Variants in ZNF280D observed in about 807,000 individuals in gnomAD.
The protein encoded by ZNF280D is suppressor of hairy wing homolog 4.
A neutral mutation model predicts 94.7 loss-of-function variants in ZNF280D; 39 were observed. The ratio of observed to expected loss-of-function variants is 0.41; its 90% CI spans 0.32 to 0.54. The LOEUF is 0.54. Among genes scored for constraint, ZNF280D ranks in the 20% least tolerant of loss-of-function variants. ZNF280D has a pLI of 0.22. For synonymous variants in ZNF280D, 398 were observed against 377.6 expected, an observed-to-expected ratio of 1.05 and a Z score of -0.63; for missense variants, 1,090 against 1,149.3, an observed-to-expected ratio of 0.95 and a Z score of 0.75.
At chr15:56,653,850 T>C (rs895643439) in intron 19 of ZNF280D, 32 of 1,238,518 alleles carry the variant, frequency 2.6e-5, no homozygotes, top group Non-Finnish European at 2.9e-5. Context: ...AAAAAAAATA[T>C]GTTAAGATAT....
At position 56,707,270 on chromosome 15, in the gene ZNF280D, C is replaced by T; in HGVS notation, c.-49G>A. On this transcript the variant is annotated 5_prime_UTR_variant, in exon 2 of 22. Transcript: ENST00000267807. ...GTTAACCTCTAAACTCACCATGTGA[C>T]TCCAGACAAGCCAGCAAGTTATTTC... 1 of 1,541,624 alleles carries T rather than the reference C, an allele frequency of 6.5e-7. No homozygotes were observed. The highest frequency in any genetic ancestry group is 8.7e-7 in the Non-Finnish European group (1 of 1,146,796).
chr15:56,635,860 G>A (rs1027068182), intron 20 of ZNF280D: 1 of 152,158 alleles, frequency 6.6e-6, no homozygotes, highest in African/African-American at 2.4e-5. Flanking sequence ...GAGTACATAT[G>A]ATGCATGAAG....
intron 3 of ZNF280D, 87 bp downstream of exon 3, chr15:56,706,995 A>T: frequency 7.4e-7 from 1 of 1,350,376 alleles, no homozygotes; most frequent in Non-Finnish European, 1.0e-6. Flanking sequence ...TTTTTTAAAA[A>T]ATGTCTCCCA....
At chr15:56,729,395 T>C (rs550981055) in intron 1 of ZNF280D, among the ~76,000 whole-genome samples, 52 of 152,328 alleles carry the variant, frequency 3.4e-4, no homozygotes, top group African/African-American at 1.2e-3. Flanking sequence ...AGAAGTCAAC[T>C]GCACAAAATC....
rs546761496 is a variant in ZNF280D at position 56,669,655 on chromosome 15, A to C, written c.1411-698T>G. The stretch of plus-strand genomic sequence containing the variant: ...CAGACAATGTGGATGAAGAGGCATA[A>C]AACAGAACAACTGAACTTACTGAGA... On this transcript the variant is annotated intron_variant, in intron 13 of 21. Coordinates refer to ENST00000267807, the MANE Select transcript of ZNF280D (RefSeq NM_017661.4). Among the ~76,000 whole-genome samples, 8 of 148,086 alleles carry C rather than the reference A, an allele frequency of 5.4e-5. No homozygotes were observed. In the South Asian group the frequency reaches 8.5e-4, roughly 16 times the overall value.
chr15:56,708,992 G>T (rs1177619341), intron 1 of ZNF280D, among the ~76,000 whole-genome samples: 1 of 152,108 alleles, frequency 6.6e-6, no homozygotes, highest in African/African-American at 2.4e-5. Context: ...GGCAACAAAA[G>T]CCAAAATTGA....
At chr15:56,669,888 T>TATATATATAA (rs371784062) in intron 13 of ZNF280D, among the ~76,000 whole-genome samples, 5 of 4,768 alleles carry the variant, frequency 1.0e-3, no homozygotes, top group Admixed American at 5.3e-3. Context: ...TATATATATA[T>TATATATATAA]TATATATATA....
rs1406940410 is a variant in ZNF280D, at chr15:56,658,501, G to C, written c.1995-15C>G. ...TACTATGAAAGCTGGAGAAACAAAA[G>C]AGATAGTAAAAATTTTATTATACAA... On this transcript the variant is annotated splice_polypyrimidine_tract_variant and intron_variant, in intron 16 of 21. Transcript: ENST00000267807. The C allele has an allele frequency of 5.2e-6, 8 of 1,533,102 alleles. No individual in the cohort carries two copies. Among genetic ancestry groups the C allele is most frequent in the Non-Finnish European group, 7.0e-6 (8 of 1,145,794 alleles). The allele number at this position is 1,533,102 out of a possible 1,614,324, so 95.0% of individuals were successfully genotyped here. A position where few individuals can be genotyped will look rare whatever the true frequency, so the allele number is the denominator to read the frequency against.
At chr15:56,711,416 G>C (rs1319048579) in intron 1 of ZNF280D, among the ~76,000 whole-genome samples, 1 of 152,130 alleles carries the variant, frequency 6.6e-6, no homozygotes, top group Non-Finnish European at 1.5e-5. Context: ...TATAATTCCA[G>C]CACTTTGGGA....
At chr15:56,632,905 T>C (rs1016111482) in intron 21 of ZNF280D, among the ~76,000 whole-genome samples, 2 of 152,028 alleles carry the variant, frequency 1.3e-5, no homozygotes, top group Non-Finnish European at 2.9e-5. Flanking sequence ...AAAAAACACA[T>C]GCCTGAAAAA....
At chr15:56,636,703 C>CGA (rs1306192519) in intron 20 of ZNF280D, among the ~76,000 whole-genome samples, 1 of 152,050 alleles carries the variant, frequency 6.6e-6, no homozygotes, top group African/African-American at 2.4e-5. Context: ...AGGCTGGTCT[C>CGA]AGACTCCTGA....
rs745559804 is a variant in ZNF280D at position 56,704,128 on chromosome 15, T to A, written c.168A>T (p.Ala56=). The A allele has an allele frequency of 6.2e-6, 10 of 1,613,514 alleles. No homozygotes were observed. In the Admixed American group the frequency reaches 1.7e-4, roughly 27 times the overall value. ...CTAAAAGTAAATGCTTACTTGAAAT[T>A]GCTGGTTTTGAACTTGATATCTCGC... ...FVGEISSSKP[A]ISNILNRVNP... The change falls in exon 4 of 22, where the codon GCA becomes GCT. Residue 56 remains alanine (A), a synonymous_variant. Transcript: ENST00000267807.
intron 16 of ZNF280D, among the ~76,000 whole-genome samples, chr15:56,661,044 T>C (rs2053910239): frequency 6.6e-6 from 1 of 152,002 alleles, no homozygotes; most frequent in Non-Finnish European, 1.5e-5. Flanking sequence ...AATCAATGAA[T>C]ACATATTCAT....
intron 3 of ZNF280D, 38 bp downstream of exon 3, chr15:56,707,044 C>A: frequency 6.2e-7 from 1 of 1,600,694 alleles, no homozygotes; most frequent in Non-Finnish European, 8.6e-7. Flanking sequence ...GATACAAAAG[C>A]CACATATATT....
chr15:56,643,710 A>G (rs1209376472), intron 19 of ZNF280D, among the ~76,000 whole-genome samples: 1 of 151,888 alleles, frequency 6.6e-6, no homozygotes, highest in African/African-American at 2.4e-5. Flanking sequence ...AGAAATGACT[A>G]AATATTATTT....
intron 13 of ZNF280D, 104 bp downstream of exon 13, chr15:56,676,566 A>G (rs111546489): frequency 1.9e-6 from 2 of 1,026,608 alleles, no homozygotes; most frequent in Non-Finnish European, 2.7e-6. Flanking sequence ...GTCATTTGGA[A>G]CAACTCTGCT....
At chr15:56,676,113 G>A (rs1444597180) in intron 13 of ZNF280D, among the ~76,000 whole-genome samples, 3 of 152,050 alleles carry the variant, frequency 2.0e-5, no homozygotes, top group Non-Finnish European at 2.9e-5. Flanking sequence ...TCTAAATATA[G>A]TTCTCTGCCA....
At chr15:56,645,237 G>A (rs1187654998) in intron 19 of ZNF280D, 1 of 152,088 alleles carries the variant, frequency 6.6e-6, no homozygotes, top group Admixed American at 6.6e-5. Flanking sequence ...AAAGTTCTGA[G>A]CTAATGACCC....
At chr15:56,635,153 T>C (rs775802798) in intron 21 of ZNF280D, 42 bp downstream of exon 21, 13 of 1,263,304 alleles carry the variant, frequency 1.0e-5, no homozygotes, top group Non-Finnish European at 1.4e-5. Context: ...TGTTATTTTG[T>C]ATACTTGAAT....
Sources: allele counts gnomAD v4.1 joint callset (sites outside exome capture counted in the v4.1 genomes callset), GRCh38; gene constraint gnomAD v4.1.1; transcripts MANE v1.5; gene names NCBI Gene and HGNC (gene_info 2026-07-23, HGNC 2026-07-21).